Variants in CCSER1 observed in about 807,000 individuals in gnomAD.
CCSER1 encodes serine-rich coiled-coil domain-containing protein 1.
CCSER1 carries 41 observed loss-of-function variants against 82.0 expected under a neutral mutation model. The observed-to-expected ratio is 0.50, with a 90% CI of 0.39 to 0.65. CCSER1 has a LOEUF of 0.65. Among genes scored for constraint, CCSER1 ranks in the 30% least tolerant of loss-of-function variants. The pLI, the probability that CCSER1 is intolerant of heterozygous loss-of-function variation, is 0.00. For missense variants in CCSER1, 1,119 were observed against 1,064.2 expected, an observed-to-expected ratio of 1.05 and a Z score of -0.72; for synonymous variants, 414 against 383.9, an observed-to-expected ratio of 1.08 and a Z score of -0.92.
At chr4:90,859,917 AG>A (rs1463977168) in intron 8 of CCSER1, among the ~76,000 whole-genome samples, 2,348 of 151,838 alleles carry the variant, frequency 0.015, 69 homozygotes, top group African/African-American at 0.053. Context: ...GACTTCACTG[AG>A]ACAGTTGTAT....
At chr4:91,561,412 C>T (rs1762646030) in intron 10 of CCSER1, among the ~76,000 whole-genome samples, 1 of 151,390 alleles carries the variant, frequency 6.6e-6, no homozygotes, top group Non-Finnish European at 1.5e-5. Context: ...TCTGGGCTGC[C>T]TCTACTCATG....
intron 5 of CCSER1, among the ~76,000 whole-genome samples, chr4:90,626,018 T>A (rs547467335): frequency 3.9e-5 from 6 of 152,246 alleles, no homozygotes; most frequent in African/African-American, 9.6e-5. Context: ...GACCAAATAA[T>A]TTTAAAGAGC....
At chr4:90,537,846 C>A (rs947685138) in intron 5 of CCSER1, among the ~76,000 whole-genome samples, 1 of 152,062 alleles carries the variant, frequency 6.6e-6, no homozygotes, top group African/African-American at 2.4e-5. Context: ...TTATGATTTG[C>A]ATTTTATCTT....
At chr4:91,511,235 T>C (rs1759805875) in intron 10 of CCSER1, among the ~76,000 whole-genome samples, 1 of 152,182 alleles carries the variant, frequency 6.6e-6, no homozygotes, top group Admixed American at 6.6e-5. Flanking sequence ...AGCTTTATAG[T>C]ATAGTCTAAA....
chr4:90,164,556 C>G (rs1323215304), intron 1 of CCSER1, among the ~76,000 whole-genome samples: 1 of 151,932 alleles, frequency 6.6e-6, no homozygotes, highest in Admixed American at 6.6e-5. Flanking sequence ...AAAGGACACA[C>G]AGCTAACTGA....
intron 10 of CCSER1, among the ~76,000 whole-genome samples, chr4:91,206,630 T>C (rs966687273): frequency 1.3e-5 from 2 of 151,882 alleles, no homozygotes; most frequent in African/African-American, 2.4e-5. Context: ...CAGGTAACTT[T>C]GGCAGATTGA....
chr4:91,525,458 T>G (rs1760722719), intron 10 of CCSER1, among the ~76,000 whole-genome samples: 1 of 152,186 alleles, frequency 6.6e-6, no homozygotes, highest in Non-Finnish European at 1.5e-5. Context: ...ACACTGGTAT[T>G]AATTCACTCT....
chr4:90,309,776 A>C (rs1235638194), intron 2 of CCSER1, among the ~76,000 whole-genome samples, 168 bp downstream of exon 2: 1 of 152,140 alleles, frequency 6.6e-6, no homozygotes, highest in African/African-American at 2.4e-5. Flanking sequence ...GCTTGATTTT[A>C]AACTTACATC....
chr4:91,366,558 T>G (rs932939547), intron 10 of CCSER1, among the ~76,000 whole-genome samples: 1 of 152,254 alleles, frequency 6.6e-6, no homozygotes, highest in African/African-American at 2.4e-5. Context: ...CCATTTAAAT[T>G]AGTTTATATG....
chr4:91,237,513 C>A (rs1172541455), intron 10 of CCSER1, among the ~76,000 whole-genome samples: 1 of 151,938 alleles, frequency 6.6e-6, no homozygotes, highest in Non-Finnish European at 1.5e-5. Flanking sequence ...TTTTTAACTT[C>A]TTTTTCTCTC....
At chr4:91,153,404 C>T (rs1276772132) in intron 10 of CCSER1, among the ~76,000 whole-genome samples, 1 of 151,900 alleles carries the variant, frequency 6.6e-6, no homozygotes, top group African/African-American at 2.4e-5. Context: ...TCTAGTTAGC[C>T]ATCGTCTAAT....
intron 5 of CCSER1, among the ~76,000 whole-genome samples, chr4:90,494,176 A>G (rs1768577370): frequency 6.6e-6 from 1 of 152,246 alleles, no homozygotes. Context: ...GAAGGCCATT[A>G]CATAATGGTA....
At chr4:90,452,651 A>C (rs367618384) in intron 4 of CCSER1, among the ~76,000 whole-genome samples, 60 of 152,244 alleles carry the variant, frequency 3.9e-4, no homozygotes, top group African/African-American at 1.4e-3. Flanking sequence ...ACATCTCCTC[A>C]TTGGGAAGTC....
At chr4:90,246,953 CCAGCA>C (rs1721512820) in intron 1 of CCSER1, among the ~76,000 whole-genome samples, 1 of 151,826 alleles carries the variant, frequency 6.6e-6, no homozygotes, top group South Asian at 2.1e-4. Context: ...ATCCAAATGG[CCAGCA>C]TCACGGGGGC....
chr4:90,218,763 G>A (rs1409866967), intron 1 of CCSER1, among the ~76,000 whole-genome samples: 2 of 152,142 alleles, frequency 1.3e-5, no homozygotes, highest in Admixed American at 1.3e-4. Flanking sequence ...ACTCATGCCT[G>A]TAATTCCAGA....
chr4:90,828,125 T>A (rs927372468), intron 8 of CCSER1, among the ~76,000 whole-genome samples: 5 of 152,218 alleles, frequency 3.3e-5, no homozygotes, highest in African/African-American at 1.2e-4. Flanking sequence ...TGTATTACTT[T>A]CGGAGGAGCT....
chr4:90,495,306 A>G (rs532319171), intron 5 of CCSER1, among the ~76,000 whole-genome samples: 1 of 152,262 alleles, frequency 6.6e-6, no homozygotes, highest in East Asian at 1.9e-4. Flanking sequence ...TTTAAAAGCT[A>G]TAAGGATTAG....
chr4:91,281,786 T>C (rs1742929292), intron 10 of CCSER1, among the ~76,000 whole-genome samples: 1 of 152,190 alleles, frequency 6.6e-6, no homozygotes, highest in Non-Finnish European at 1.5e-5. Flanking sequence ...TCTCATAGTT[T>C]ACATTTTTCT....
intron 10 of CCSER1, among the ~76,000 whole-genome samples, chr4:91,439,710 A>G (rs1339777753): frequency 6.6e-6 from 1 of 152,074 alleles, no homozygotes; most frequent in Non-Finnish European, 1.5e-5. Flanking sequence ...TGCTGTATTC[A>G]GGAAACCCAT....
Sources: allele counts gnomAD v4.1 joint callset (sites outside exome capture counted in the v4.1 genomes callset), GRCh38; gene constraint gnomAD v4.1.1; transcripts MANE v1.5; gene names NCBI Gene and HGNC (gene_info 2026-07-23, HGNC 2026-07-21).